UNKL: variants seen among roughly 807,000 people sequenced by gnomAD.
UNKL encodes unk like zinc finger.
A neutral mutation model predicts 78.0 loss-of-function variants in UNKL; 60 were observed. The observed-to-expected ratio is 0.77, with a 90% CI of 0.63 to 0.95. The LOEUF is 0.95. UNKL is among the 40% of genes least tolerant of loss of function. The pLI, the probability that UNKL is intolerant of heterozygous loss-of-function variation, is 0.00. For missense variants in UNKL, 1,159 were observed against 1,045.7 expected (o/e 1.11, Z -1.49); for synonymous variants, 608 against 474.8 (o/e 1.28, Z -3.65).
At chr16:1,376,737 G>A (rs895601632) in intron 10 of UNKL, among the ~76,000 whole-genome samples, 2 of 152,026 alleles carry the variant, frequency 1.3e-5, no homozygotes, top group Non-Finnish European at 2.9e-5. Flanking sequence ...GCTGCGGATA[G>A]CACGGAACCC....
intron 14 of UNKL, among the ~76,000 whole-genome samples, chr16:1,366,632 A>G (rs1417170423): frequency 6.6e-6 from 1 of 152,162 alleles, no homozygotes; most frequent in African/African-American, 2.4e-5. Context: ...TGGGGCCACC[A>G]CAGACACGGC....
rs1357187094 is a variant in UNKL at position 1,414,646 on chromosome 16, G to T, written c.46C>A (p.Pro16Thr). The T allele has an allele frequency of 2.6e-6, 3 of 1,141,454 alleles. No homozygotes were observed. The highest frequency in any genetic ancestry group is 3.3e-6 in the Non-Finnish European group (3 of 919,052). 70.7% of individuals were successfully genotyped at this position (1,141,454 alleles called of 1,614,324 possible). A position where few individuals can be genotyped will look rare whatever the true frequency, so the allele number is the denominator to read the frequency against. Residue 16 changes from proline to threonine, a missense_variant, in exon 1 of 15, where the codon CCC becomes ACC. By Grantham distance (38) the Pro-to-Thr change is conservative. Coordinates refer to ENST00000389221, the MANE Select transcript of UNKL (RefSeq NM_001372107.1). ...TGGGTCGGCTTCTCAGTCTGCGGGG[G>T]GGACCCGCTCAGCGCCGCTGCCGCC... ...KAAAAALSGS[P>T]PQTEKPTHYR... is the part of the protein sequence containing the mutation.
intron 14 of UNKL, among the ~76,000 whole-genome samples, chr16:1,366,705 C>T (rs2035286182): frequency 6.6e-6 from 1 of 152,334 alleles, no homozygotes. Context: ...CTACGCAGGA[C>T]CCTCTGTCCT....
intron 10 of UNKL, among the ~76,000 whole-genome samples, chr16:1,380,881 G>A (rs2036581337): frequency 6.6e-6 from 1 of 152,022 alleles, no homozygotes; most frequent in Non-Finnish European, 1.5e-5. Context: ...CACCATGTTG[G>A]TCAGGCTAGT....
At chr16:1,393,653 C>G (rs2037141050) in intron 7 of UNKL, among the ~76,000 whole-genome samples, 1 of 152,222 alleles carries the variant, frequency 6.6e-6, no homozygotes, top group African/African-American at 2.4e-5. Flanking sequence ...CTGAGCAACC[C>G]TGCTTGAGGG....
intron 1 of UNKL, 119 bp from the exon 2 acceptor site, chr16:1,414,174 T>C: frequency 4.7e-6 from 4 of 852,340 alleles, no homozygotes; most frequent in East Asian, 3.3e-5. Flanking sequence ...CGTACTCACA[T>C]TCCCGGCGGG....
Position 1,403,102 on chromosome 16 carries a change from C to A in UNKL, c.464+66G>T. On this transcript the variant is annotated intron_variant, in intron 3 of 14. Transcript: ENST00000389221. The surrounding 1 kb of genome is among the most constrained non-coding windows in gnomAD (Gnocchi z 4.8). Reference sequence around the variant, plus strand: ...AGGGAGGCGAGCCACTTGCCGAGTTCCTGCTCATCCAGCAGAGCCCACAGC... The same window carrying A: ...AGGGAGGCGAGCCACTTGCCGAGTTACTGCTCATCCAGCAGAGCCCACAGC... The A allele has an allele frequency of 6.6e-7, 1 of 1,520,306 alleles. No individual in the cohort carries two copies. Among genetic ancestry groups the A allele is most frequent in the South Asian group, 1.2e-5 (1 of 80,514 alleles). The allele number at this position is 1,520,306 out of a possible 1,614,324, so 94.2% of individuals were successfully genotyped here.
intron 2 of UNKL, among the ~76,000 whole-genome samples, chr16:1,411,136 G>A (rs997414687): frequency 1.3e-5 from 2 of 151,920 alleles, no homozygotes; most frequent in Non-Finnish European, 2.9e-5. Flanking sequence ...GGATCTCTTG[G>A]GTCCAGGAGT....
intron 6 of UNKL, among the ~76,000 whole-genome samples, chr16:1,396,588 T>G (rs144774806): frequency 6.6e-6 from 1 of 151,446 alleles, no homozygotes; most frequent in South Asian, 2.1e-4. Context: ...ATATATATAT[T>G]TTTTTCTTTT....
At chr16:1,398,036 C>G (rs980632057) in intron 5 of UNKL, among the ~76,000 whole-genome samples, 2 of 152,238 alleles carry the variant, frequency 1.3e-5, no homozygotes, top group African/African-American at 2.4e-5. Flanking sequence ...TCAGTCAGAG[C>G]CACCCTCACG....
At chr16:1,412,917 C>A (rs1002511607) in intron 2 of UNKL, among the ~76,000 whole-genome samples, 1 of 151,964 alleles carries the variant, frequency 6.6e-6, no homozygotes, top group Non-Finnish European at 1.5e-5. Flanking sequence ...AGGCACTTGG[C>A]CAGAGGTTGG....
intron 6 of UNKL, chr16:1,395,802 C>G: frequency 2.2e-6 from 1 of 455,478 alleles, no homozygotes; most frequent in South Asian, 1.5e-5. Context: ...CACCGGACTC[C>G]CGACAGGCCC....
chr16:1,368,608 C>CAAAAAAAAA (rs757374554), intron 12 of UNKL, among the ~76,000 whole-genome samples: 2 of 42,144 alleles, frequency 4.7e-5, no homozygotes, highest in African/African-American at 9.2e-5. Flanking sequence ...GACTCCGTCT[C>CAAAAAAAAA]AAAAAAAAAA....
In UNKL at chr16:1,379,419, G is replaced by C. The variant is rs931404153; in HGVS notation, c.1264+5789C>G. 32 of 949,034 alleles carry C rather than the reference G, an allele frequency of 3.4e-5. No homozygotes were observed. In the African/African-American group the frequency reaches 5.5e-4, roughly 16 times the overall value. The allele number at this position is 949,034 out of a possible 1,614,324, so 58.8% of individuals were successfully genotyped here. On this transcript the variant is annotated intron_variant, in intron 10 of 14. Coordinates refer to ENST00000389221, the MANE Select transcript of UNKL (RefSeq NM_001372107.1). ...GAGCCCGCGCTGGGAAGCGGCGAGC[G>C]CCCGGCAGAGGCAGGTTCCGAGAAG...
In UNKL at chr16:1,365,418, T is replaced by C. The variant is rs1190999718; in HGVS notation, c.*822A>G. 1 of 152,352 alleles carries C rather than the reference T, an allele frequency of 6.6e-6. No homozygotes were observed. The allele number at this position is 152,352 out of a possible 1,614,324, so 9.4% of individuals were successfully genotyped here. On this transcript the variant is annotated 3_prime_UTR_variant, in exon 15 of 15. Coordinates refer to ENST00000389221, the MANE Select transcript of UNKL (RefSeq NM_001372107.1). The stretch of plus-strand genomic sequence containing the variant: ...ACAAAACCCATGATGCTCCTTCACT[T>C]GCTCTCCGAGGCGCAGGCGCACAGA...
chr16:1,408,046 A>G (rs1393746224), intron 2 of UNKL, among the ~76,000 whole-genome samples: 4 of 152,082 alleles, frequency 2.6e-5, no homozygotes, highest in Non-Finnish European at 5.9e-5. Context: ...CAGAGGTTGC[A>G]GTGAGCCAAG....
intron 10 of UNKL, among the ~76,000 whole-genome samples, chr16:1,376,038 A>C (rs1361368149): frequency 6.6e-6 from 1 of 151,920 alleles, no homozygotes; most frequent in Non-Finnish European, 1.5e-5. Flanking sequence ...CAAGGCTGAA[A>C]GTGAGATCTG....
In UNKL at chr16:1,387,807, C is replaced by G. The variant is rs1043337017; in HGVS notation, c.1087-2422G>C. 1.3e-5 allele frequency among the ~76,000 whole-genome samples: 2 copies of G among 151,624 alleles called. No individual in the cohort carries two copies. Among genetic ancestry groups the G allele is most frequent in the African/African-American group, 4.8e-5 (2 of 41,242 alleles). On this transcript the variant is annotated intron_variant, in intron 9 of 14. Transcript: ENST00000389221. The surrounding 1 kb of genome is among the most constrained non-coding windows in gnomAD (Gnocchi z 4.1). ...GCCTGCGGAAGCCCTCCCCCACCCC[C>G]GCCTCATCCCATCTCTTGGCAGCCC...
At chr16:1,409,594 A>G (rs1310693379) in intron 2 of UNKL, among the ~76,000 whole-genome samples, 9 of 152,288 alleles carry the variant, frequency 5.9e-5, no homozygotes, top group African/African-American at 9.6e-5. Context: ...CCTCAATTAT[A>G]AACTGTAAGC....
Sources: gnomAD v4.1 joint callset for allele counts (sites outside exome capture counted in the v4.1 genomes callset) on GRCh38, gnomAD v4.1.1 for gene constraint, Gnocchi (gnomAD v3.1) non-coding constraint, MANE v1.5 for transcripts, NCBI Gene and HGNC (gene_info 2026-07-23, HGNC 2026-07-21) for gene names.